Variants in MYO16 observed in about 807,000 individuals in gnomAD.
The protein encoded by MYO16 is unconventional myosin-XVI.
MYO16 carries 94 observed loss-of-function variants against 205.3 expected under a neutral mutation model. That is an observed-to-expected ratio of 0.46 (90% CI 0.39 to 0.54). The LOEUF is 0.54. Among genes scored for constraint, MYO16 ranks in the 20% least tolerant of loss-of-function variants. MYO16 has a pLI of 0.00. For synonymous variants in MYO16, 988 were observed against 954.0 expected (o/e 1.04, Z -0.66); for missense variants, 2,315 against 2,387.5 (o/e 0.97, Z 0.63).
Position 108,981,711 on chromosome 13 carries a change from C to T in MYO16, c.2370-10665C>T, listed in dbSNP as rs184236398. Among the ~76,000 whole-genome samples, 479 of 152,354 alleles carry T rather than the reference C, an allele frequency of 3.1e-3. 1 individual carries two copies. Among genetic ancestry groups the T allele is most frequent in the African/African-American group, 0.011 (464 of 41,574 alleles). On this transcript the variant is annotated intron_variant, in intron 20 of 34. Transcript: ENST00000457511. ...CTGCCAGGCGGCCCAAGGTGACACA[C>T]ACGATTATGAACAATAATAACTACT...
intron 7 of MYO16, among the ~76,000 whole-genome samples, chr13:108,815,811 A>C (rs548355940): frequency 6.6e-6 from 1 of 152,342 alleles, no homozygotes; most frequent in East Asian, 1.9e-4. Flanking sequence ...TGGAATGCAA[A>C]GTACCTATAA....
intron 2 of MYO16, among the ~76,000 whole-genome samples, chr13:108,702,552 A>C (rs4635193): frequency 0.19 from 28,174 of 152,238 alleles, 2,819 homozygotes; most frequent in Middle Eastern, 0.24. Context: ...GCAAAGGGAA[A>C]CTTTCAGGCT....
the MYO16 span, among the ~76,000 whole-genome samples, chr13:108,539,317 G>A: frequency 6.6e-6 from 1 of 152,118 alleles, no homozygotes; most frequent in Admixed American, 6.6e-5. Flanking sequence ...ACTGTACATT[G>A]CAAGGCAGGA....
At chr13:108,650,523 G>A (rs972519608) in intron 1 of MYO16, among the ~76,000 whole-genome samples, 2 of 152,190 alleles carry the variant, frequency 1.3e-5, no homozygotes, top group Non-Finnish European at 2.9e-5. Flanking sequence ...GATCAAAGAT[G>A]AAATATGTAG....
chr13:109,197,910 A>G (rs1880226129), intron 34 of MYO16, among the ~76,000 whole-genome samples: 1 of 152,158 alleles, frequency 6.6e-6, no homozygotes, highest in African/African-American at 2.4e-5. Flanking sequence ...ACTGTTGGAA[A>G]CGTGCGCTGA....
At chr13:109,139,614 G>A (rs140335878) in intron 31 of MYO16, among the ~76,000 whole-genome samples, 149 of 152,350 alleles carry the variant, frequency 9.8e-4, no homozygotes, top group Admixed American at 2.6e-3. Context: ...CGTCTTAAGA[G>A]CTGAGCTCTC....
intron 16 of MYO16, among the ~76,000 whole-genome samples, chr13:108,936,126 TTCCTTCCTTC>T (rs1248652736): frequency 6.6e-6 from 1 of 150,688 alleles, no homozygotes; most frequent in Non-Finnish European, 1.5e-5. Flanking sequence ...CCTTCCTTCC[TTCCTTCCTTC>T]CTTCCTTCCT....
intron 4 of MYO16, among the ~76,000 whole-genome samples, chr13:108,746,906 C>A (rs1176924381): frequency 6.6e-6 from 1 of 151,946 alleles, no homozygotes; most frequent in African/African-American, 2.4e-5. Context: ...CTTGAAAAAG[C>A]TAGGCAGGAA....
chr13:108,913,366 G>A (rs1379949081), intron 16 of MYO16, among the ~76,000 whole-genome samples: 1 of 152,088 alleles, frequency 6.6e-6, no homozygotes, highest in Admixed American at 6.6e-5. Context: ...AGTATTTTTT[G>A]TTGTTTATGT....
chr13:108,842,335 T>C (rs1024443619), intron 9 of MYO16, among the ~76,000 whole-genome samples: 16 of 152,088 alleles, frequency 1.1e-4, no homozygotes, highest in African/African-American at 3.6e-4. Flanking sequence ...TATATATACA[T>C]ATATGTGCAT....
intron 32 of MYO16, among the ~76,000 whole-genome samples, chr13:109,150,589 C>T (rs909888882): frequency 6.6e-6 from 1 of 152,070 alleles, no homozygotes; most frequent in African/African-American, 2.4e-5. Context: ...ACGTATCTAG[C>T]GTAAAGAGGT....
intron 14 of MYO16, among the ~76,000 whole-genome samples, chr13:108,895,348 G>A (rs538622516): frequency 7.9e-5 from 12 of 151,916 alleles, no homozygotes; most frequent in Non-Finnish European, 7.4e-5. Flanking sequence ...GGTGAGCAGC[G>A]GAATAATGCC....
chr13:108,597,787 AAGAACATT>A (rs1483035078), intron 1 of MYO16, among the ~76,000 whole-genome samples: 1 of 152,150 alleles, frequency 6.6e-6, no homozygotes, highest in Non-Finnish European at 1.5e-5. Context: ...GGTCAAGGTA[AAGAACATT>A]AGGTTGTGTT....
chr13:108,496,858 G>T, the MYO16 span, among the ~76,000 whole-genome samples: 6 of 152,098 alleles, frequency 3.9e-5, no homozygotes, highest in Non-Finnish European at 7.4e-5. Context: ...AGTGAAACTT[G>T]GCTGCTCTGA....
At chr13:108,746,702 C>T (rs114133263) in intron 4 of MYO16, among the ~76,000 whole-genome samples, 149 of 151,944 alleles carry the variant, frequency 9.8e-4, no homozygotes, top group African/African-American at 3.3e-3. Flanking sequence ...AAGAAAAGGG[C>T]GGAAGACATA....
chr13:108,609,527 T>C (rs1047906302), intron 1 of MYO16, among the ~76,000 whole-genome samples: 4 of 152,150 alleles, frequency 2.6e-5, no homozygotes, highest in African/African-American at 7.2e-5. Flanking sequence ...ATTAAGCTGA[T>C]GAGTAAATGT....
At chr13:108,826,697 A>G (rs1317267120) in intron 9 of MYO16, among the ~76,000 whole-genome samples, 1 of 151,964 alleles carries the variant, frequency 6.6e-6, no homozygotes, top group Admixed American at 6.6e-5. Flanking sequence ...AAGACAAATA[A>G]CTCCCTTAAA....
chr13:108,980,422 A>T (rs1381929794), intron 20 of MYO16, among the ~76,000 whole-genome samples: 1 of 152,152 alleles, frequency 6.6e-6, no homozygotes, highest in African/African-American at 2.4e-5. Flanking sequence ...GAGTTAGCCG[A>T]ATCTTTGTTT....
chr13:108,938,786 C>G (rs1882599006), intron 16 of MYO16, among the ~76,000 whole-genome samples: 1 of 152,254 alleles, frequency 6.6e-6, no homozygotes, highest in Non-Finnish European at 1.5e-5. Flanking sequence ...GCTCAGACTG[C>G]TGAACCAGGT....
Sources: allele counts gnomAD v4.1 joint callset (sites outside exome capture counted in the v4.1 genomes callset), GRCh38; gene constraint gnomAD v4.1.1; transcripts MANE v1.5; gene names NCBI Gene and HGNC (gene_info 2026-07-23, HGNC 2026-07-21).